PHAF1: variants seen among roughly 807,000 people sequenced by gnomAD.
The protein encoded by PHAF1 is phagosome assembly factor 1.
PHAF1 carries 23 observed loss-of-function variants against 63.1 expected under a neutral mutation model. That is an observed-to-expected ratio of 0.36 (90% confidence interval 0.26 to 0.52). The LOEUF (loss-of-function observed/expected upper bound fraction) is 0.52. PHAF1 is among the 20% of genes least tolerant of loss of function. The pLI is 0.93. For synonymous variants in PHAF1, 167 were observed against 185.0 expected (o/e 0.90, Z 0.79); for missense variants, 427 against 517.2 (o/e 0.83, Z 1.69).
chr16:67,141,801 A>T (rs1293284906), intron 10 of PHAF1, among the ~76,000 whole-genome samples: 1 of 152,172 alleles, frequency 6.6e-6, no homozygotes, highest in Non-Finnish European at 1.5e-5. Flanking sequence ...GACACCAAGA[A>T]CCACACAGAG....
chr16:67,133,431 G>A (rs1414123971), intron 6 of PHAF1, among the ~76,000 whole-genome samples: 1 of 148,188 alleles, frequency 6.7e-6, no homozygotes. Flanking sequence ...AAGGCGGGCG[G>A]ATGACTTGAG....
intron 1 of PHAF1, among the ~76,000 whole-genome samples, chr16:67,118,792 T>TG (rs1295114867): frequency 7.4e-6 from 1 of 135,184 alleles, no homozygotes; most frequent in Non-Finnish European, 1.5e-5. Flanking sequence ...TTTTTTTTTT[T>TG]GAGATAGGGT....
At chr16:67,119,067 C>T (rs1016805843) in intron 1 of PHAF1, among the ~76,000 whole-genome samples, 1 of 152,186 alleles carries the variant, frequency 6.6e-6, no homozygotes, top group African/African-American at 2.4e-5. Flanking sequence ...TGAGCCACCA[C>T]ACCCAGTCCT....
intron 3 of PHAF1, among the ~76,000 whole-genome samples, chr16:67,130,194 C>T (rs1489611912): frequency 2.0e-5 from 3 of 150,598 alleles, no homozygotes; most frequent in Non-Finnish European, 3.0e-5. Flanking sequence ...CTACAGGCGC[C>T]CACCACCACG....
At chr16:67,134,581 AC>A in intron 8 of PHAF1, 114 bp downstream of exon 8, 1 of 943,584 alleles carries the variant, frequency 1.1e-6, no homozygotes, top group Non-Finnish European at 1.7e-6. Flanking sequence ...ATAATAAAAT[AC>A]CATAAACTGA....
intron 8 of PHAF1, among the ~76,000 whole-genome samples, chr16:67,137,641 T>C (rs1963658668): frequency 1.3e-5 from 2 of 152,116 alleles, no homozygotes; most frequent in South Asian, 2.1e-4. Context: ...TTTGAGAGAA[T>C]TGAGATGTGG....
At chr16:67,112,350 C>T (rs1403816563) in intron 1 of PHAF1, among the ~76,000 whole-genome samples, 1 of 146,268 alleles carries the variant, frequency 6.8e-6, no homozygotes, top group Non-Finnish European at 1.5e-5. Flanking sequence ...TCAAGACCAG[C>T]CTAGGCAACA....
At chr16:67,139,808 T>C (rs1249650005) in intron 8 of PHAF1, 176 bp from the exon 9 acceptor site, 1 of 649,330 alleles carries the variant, frequency 1.5e-6, no homozygotes, top group Non-Finnish European at 2.7e-6. Flanking sequence ...TTATTTTGAA[T>C]AGCGATCTCT....
chr16:67,146,482 G>GT, intron 15 of PHAF1, 132 bp downstream of exon 15: 10 of 940,932 alleles, frequency 1.1e-5, no homozygotes, highest in Non-Finnish European at 1.7e-5. Flanking sequence ...TTCAGCAACC[G>GT]TGTCTGCTGC....
intron 3 of PHAF1, among the ~76,000 whole-genome samples, chr16:67,126,982 G>T (rs184347151): frequency 6.7e-6 from 1 of 149,928 alleles, no homozygotes; most frequent in Non-Finnish European, 1.5e-5. Context: ...TCTGCCTCCC[G>T]GGTTTAAGCA....
At chr16:67,136,753 T>G (rs1963625556) in intron 8 of PHAF1, among the ~76,000 whole-genome samples, 1 of 151,944 alleles carries the variant, frequency 6.6e-6, no homozygotes, top group African/African-American at 2.4e-5. Context: ...CAGCTAATTC[T>G]ATTTTTTTGT....
chr16:67,135,137 T>A (rs904529220), intron 8 of PHAF1: 2 of 158,450 alleles, frequency 1.3e-5, no homozygotes, highest in Non-Finnish European at 2.8e-5. Context: ...TGCTCTCCCC[T>A]TTTTTGTTTT....
chr16:67,120,324 C>T (rs537952558), intron 2 of PHAF1, 130 bp downstream of exon 2: 2 of 779,410 alleles, frequency 2.6e-6, no homozygotes, highest in East Asian at 5.3e-5. Context: ...TAGCACCAGC[C>T]AGTTATCAAG....
chr16:67,143,487 G>A (rs1334933639), intron 10 of PHAF1, among the ~76,000 whole-genome samples: 1 of 152,154 alleles, frequency 6.6e-6, no homozygotes, highest in Non-Finnish European at 1.5e-5. Context: ...GATTCTCTTG[G>A]CTCTGCTGCT....
chr16:67,113,451 CTT>C (rs1011100173), intron 1 of PHAF1, among the ~76,000 whole-genome samples: 15 of 139,380 alleles, frequency 1.1e-4, no homozygotes, highest in Admixed American at 2.2e-4. Context: ...TTTTCTTTTT[CTT>C]TTTTTTTTTT....
chr16:67,132,927 C>A lies in PHAF1; in HGVS notation c.450+16C>A. ...AAAGTATGAGGTTAGCCCTTCCTGT[C>A]CCCTGGTGTTTGTTGTATGTGTCTG... On this transcript the variant is annotated intron_variant, in intron 6 of 15. Transcript: ENST00000219139. 1 of 1,568,454 alleles carries A rather than the reference C, an allele frequency of 6.4e-7. No homozygotes were observed. Among genetic ancestry groups the A allele is most frequent in the Admixed American group, 1.7e-5 (1 of 59,650 alleles).
chr16:67,139,812 G>A (rs1256138052), intron 8 of PHAF1, 172 bp from the exon 9 acceptor site: 10 of 660,240 alleles, frequency 1.5e-5, no homozygotes, highest in South Asian at 1.0e-4. Flanking sequence ...TTTGAATAGC[G>A]ATCTCTTGTA....
chr16:67,143,424 A>G (rs1963879950), intron 10 of PHAF1, among the ~76,000 whole-genome samples: 2 of 151,962 alleles, frequency 1.3e-5, no homozygotes, highest in South Asian at 2.1e-4. Flanking sequence ...TGTATTCTCA[A>G]CTCAAGGAAT....
chr16:67,137,714 G>A (rs151260326), intron 8 of PHAF1, among the ~76,000 whole-genome samples: 138 of 152,254 alleles, frequency 9.1e-4, no homozygotes, highest in African/African-American at 2.6e-3. Flanking sequence ...AAACAGCAGG[G>A]TGGTCAAGGA....
Sources: allele counts gnomAD v4.1 joint callset (sites outside exome capture counted in the v4.1 genomes callset), GRCh38; gene constraint gnomAD v4.1.1; transcripts MANE v1.5; gene names NCBI Gene and HGNC (gene_info 2026-07-23, HGNC 2026-07-21).